Variants in SPATA31E1 observed in about 807,000 individuals in gnomAD.
SPATA31E1 encodes spermatogenesis-associated protein 31E1.
SPATA31E1 carries 7 observed loss-of-function variants against 12.9 expected under a neutral mutation model. The ratio of observed to expected loss-of-function variants is 0.54; its 90% CI spans 0.31 to 1.02. SPATA31E1 has a LOEUF of 1.02. Among genes scored for constraint, SPATA31E1 ranks in the 50% least tolerant of loss-of-function variants. The pLI, the probability that SPATA31E1 is intolerant of heterozygous loss-of-function variation, is 0.05. For missense variants in SPATA31E1, 1,961 were observed against 1,799.8 expected, an observed-to-expected ratio of 1.09 and a Z score of -1.62; for synonymous variants, 771 against 719.0, an observed-to-expected ratio of 1.07 and a Z score of -1.16.
rs1273068867 is a variant in SPATA31E1 at position 87,886,042 on chromosome 9, G to T, written c.1555G>T (p.Ala519Ser). The T allele has an allele frequency of 6.2e-7, 1 of 1,612,818 alleles. No homozygotes were observed. The highest frequency in any genetic ancestry group is 8.5e-7 in the Non-Finnish European group (1 of 1,179,616). ...GCCCCAGTCCCAGCCCCCACCTTTG[G>T]CTGAGATCCAGACCCAGGCCCACCT... ...AWPQSQPPPLAEIQTQAHLSP... is the reference protein window; with the variant it reads ...AWPQSQPPPLSEIQTQAHLSP... The change falls in exon 4 of 4, where the codon GCT becomes TCT. Residue 519 changes from alanine to serine, a missense_variant. Physicochemically the swap from Ala to Ser is moderately conservative, Grantham distance 99. Transcript: ENST00000325643.
Position 87,886,104 on chromosome 9 carries a change from A to G in SPATA31E1, c.1617A>G (p.Pro539=). ...TCCCAAGCCTGGGGTGCTCTTCTCC[A>G]CCCCAGATTAGGGGCTGTGGGGCAT... ...PPVPSLGCSS[P]PQIRGCGASY... The change falls in exon 4 of 4, where the codon CCA becomes CCG. Residue 539 remains proline (P), a synonymous_variant. Coordinates refer to ENST00000325643, the MANE Select transcript of SPATA31E1 (RefSeq NM_178828.5). The G allele has an allele frequency of 6.2e-7, 1 of 1,603,566 alleles. No individual in the cohort carries two copies. The highest frequency in any genetic ancestry group is 8.5e-7 in the Non-Finnish European group (1 of 1,174,128).
chr9:87,884,717 C>A (rs867108496), intron 3 of SPATA31E1, 66 bp downstream of exon 3: 5 of 1,595,574 alleles, frequency 3.1e-6, no homozygotes, highest in South Asian at 2.2e-5. Context: ...AACCCTACGG[C>A]CTGGTGGTGA....
Position 87,883,437 on chromosome 9 carries a change from C to T in SPATA31E1, c.309+237C>T, listed in dbSNP as rs576456588. ...CAACACTGGACTCAGTGGCAAGGAC[C>T]GGGTCAGGAGAGGGGTGAGGTCTCT... On this transcript the variant is annotated intron_variant, in intron 1 of 3. Transcript: ENST00000325643. Among the ~76,000 whole-genome samples, 27 of 152,200 alleles carry T rather than the reference C, an allele frequency of 1.8e-4. No homozygotes were observed. In the South Asian group the frequency reaches 2.1e-3, roughly 12 times the overall value.
chr9:87,888,665 G>A lies in SPATA31E1; in HGVS notation c.4178G>A (p.Arg1393Lys), dbSNP rs1428511183. 2 of 1,614,068 alleles carry A rather than the reference G, an allele frequency of 1.2e-6. No individual in the cohort carries two copies. The highest frequency in any genetic ancestry group is 2.2e-5 in the East Asian group (1 of 44,862). The change falls in exon 4 of 4, where the codon AGG becomes AAG. Residue 1393 changes from arginine (R) to lysine (K), a missense_variant. Physicochemically the swap from Arg to Lys is conservative, Grantham distance 26. Coordinates refer to ENST00000325643, the MANE Select transcript of SPATA31E1 (RefSeq NM_178828.5). ...GGCCACCACTGTCCTGTCAAAAACA[G>A]GGGCATCAGAGACAGAGACAGCAGT... ...PKGHHCPVKNRGIRDRDSSWA... is the reference protein window; with the variant it reads ...PKGHHCPVKNKGIRDRDSSWA...
Position 87,883,028 on chromosome 9 carries a change from T to G in SPATA31E1, c.137T>G (p.Leu46Arg). The change falls in exon 1 of 4, where the codon CTC (leucine) becomes CGC (arginine). Residue 46 changes from leucine (L) to arginine (R), a missense_variant. By Grantham distance (102) the Leu-to-Arg change is moderately radical (BLOSUM62 -2). Transcript: ENST00000325643. The part of the protein sequence containing the change: ...DDIALQMEKM[L>R]FPLKSPSATW... ...ATTGCACTTCAGATGGAGAAAATGC[T>G]CTTTCCTCTGAAGAGCCCTAGTGCC... is the stretch of plus-strand genomic sequence containing the variant. 1.9e-6 allele frequency: 3 copies of G among 1,613,246 alleles called. No individual in the cohort carries two copies. The highest frequency in any genetic ancestry group is 2.5e-6 in the Non-Finnish European group (3 of 1,179,844).
At position 87,885,302 on chromosome 9, in the gene SPATA31E1, C is replaced by T. The variant is rs779056391; in HGVS notation, c.815C>T (p.Thr272Ile). 2.5e-6 allele frequency: 4 copies of T among 1,613,966 alleles called. No individual in the cohort carries two copies. The highest frequency in any genetic ancestry group is 3.4e-6 in the Non-Finnish European group (4 of 1,179,966). ...GCTGGACTTCAGTGTGGCTCCACAA[C>T]ATGCCCCGTCCCCCAGAGCTCCCCT... ...SLAGLQCGST[T>I]CPVPQSSPLH... The change falls in exon 4 of 4, where the codon ACA (threonine) becomes ATA (isoleucine). Residue 272 changes from threonine (T) to isoleucine (I), a missense_variant. Thr to Ile is a moderately conservative substitution (Grantham distance 89). Coordinates refer to ENST00000325643, the MANE Select transcript of SPATA31E1 (RefSeq NM_178828.5).
Position 87,884,662 on chromosome 9 carries a change from TC to T in SPATA31E1, c.425+16del. 3.7e-6 allele frequency: 6 copies of T among 1,614,012 alleles called. No homozygotes were observed. The highest frequency in any genetic ancestry group is 5.1e-6 in the Non-Finnish European group (6 of 1,179,974). On this transcript the variant is annotated intron_variant, in intron 3 of 3. Coordinates refer to ENST00000325643, the MANE Select transcript of SPATA31E1 (RefSeq NM_178828.5). ...CTACCTTCTGGAAAGGTGAGGAGCTTCCCCCTTCTGTCCCTGTCCTCCTTCC... is the reference window on the plus strand; with the variant it reads ...CTACCTTCTGGAAAGGTGAGGAGCTTCCCCTTCTGTCCCTGTCCTCCTTCC...
rs530734146 is a variant in SPATA31E1 at position 87,888,008 on chromosome 9, G to A, written c.3521G>A (p.Gly1174Glu). The change falls in exon 4 of 4, where the codon GGA becomes GAA. Residue 1174 changes from glycine to glutamate, a missense_variant. Transcript: ENST00000325643. ...SQGPCALLWK[G>E]GDSPGQQEPG... Reference sequence around the variant, plus strand: ...GGGCCATGTGCCCTCCTATGGAAGGGAGGGGACAGTCCAGGGCAGCAGGAG... The same window carrying A: ...GGGCCATGTGCCCTCCTATGGAAGGAAGGGGACAGTCCAGGGCAGCAGGAG... 23 of 1,613,256 alleles carry A rather than the reference G, an allele frequency of 1.4e-5. No individual in the cohort carries two copies. The highest frequency in any genetic ancestry group is 1.9e-5 in the Non-Finnish European group (23 of 1,179,922).
At position 87,884,660 on chromosome 9, in the gene SPATA31E1, C is replaced by T. The variant is rs1828230951; in HGVS notation, c.425+9C>T. On this transcript the variant is annotated intron_variant, in intron 3 of 3. Coordinates refer to ENST00000325643, the MANE Select transcript of SPATA31E1 (RefSeq NM_178828.5). ...AACTACCTTCTGGAAAGGTGAGGAG[C>T]TTCCCCCTTCTGTCCCTGTCCTCCT... The T allele has an allele frequency of 6.2e-7, 1 of 1,614,148 alleles. No individual in the cohort carries two copies. Among genetic ancestry groups the T allele is most frequent in the African/African-American group, 1.3e-5 (1 of 75,046 alleles).
intron 1 of SPATA31E1, 102 bp downstream of exon 1, chr9:87,883,302 A>T: frequency 6.9e-7 from 1 of 1,454,242 alleles, no homozygotes; most frequent in Non-Finnish European, 9.3e-7. Flanking sequence ...CTGTGATGGG[A>T]AATCTCGTCA....
At position 87,883,120 on chromosome 9, in the gene SPATA31E1, GTGCTCCTCTTCCTAT is replaced by G. The variant is rs1564127015; in HGVS notation, c.239_253del (p.Phe80_Leu84del). ...CATCCTCACCAGTGTGTGTGGCCTA[GTGCTCCTCTTCCTAT>G]TGCTCCTCTACGTCCACAGTGACCC... is the stretch of plus-strand genomic sequence containing the variant. On this transcript the variant is annotated inframe_deletion, in exon 1 of 4. Transcript: ENST00000325643. 2.5e-6 allele frequency: 4 copies of G among 1,603,972 alleles called. No homozygotes were observed. The South Asian group carries it at 4.5e-5, about 18-fold the overall frequency.
At position 87,888,537 on chromosome 9, in the gene SPATA31E1, C is replaced by T. The variant is rs201292634; in HGVS notation, c.4050C>T (p.Arg1350=). 8.1e-6 allele frequency: 13 copies of T among 1,614,164 alleles called. No individual in the cohort carries two copies. In the Admixed American group the frequency reaches 1.0e-4, roughly 12 times the overall value. ...SEVNRHKGDF[R]AQENVPSCCH... ...TCAATCGCCACAAAGGTGACTTCCG[C>T]GCCCAGGAGAATGTGCCTTCCTGCT... Residue 1350 remains arginine, a synonymous_variant, in exon 4 of 4, where the codon CGC becomes CGT. Coordinates refer to ENST00000325643, the MANE Select transcript of SPATA31E1 (RefSeq NM_178828.5).
At position 87,887,370 on chromosome 9, in the gene SPATA31E1, C is replaced by T. The variant is rs532153652; in HGVS notation, c.2883C>T (p.Pro961=). 4.0e-5 allele frequency: 65 copies of T among 1,613,812 alleles called. No individual in the cohort carries two copies. In the South Asian group the frequency reaches 7.0e-4, roughly 17 times the overall value. The change falls in exon 4 of 4, where the codon CCC becomes CCT. Residue 961 remains proline (P), a synonymous_variant. Transcript: ENST00000325643. ...TGHKGRGCSQ[P]PTCSLVGRTW... The stretch of plus-strand genomic sequence containing the variant: ...ACAAGGGCAGGGGGTGTTCTCAGCC[C>T]CCAACATGCAGCCTTGTGGGCAGAA...
In SPATA31E1 at chr9:87,885,567, C is replaced by T. The variant is rs199568188; in HGVS notation, c.1080C>T (p.Asp360=). ...GTGGCTGCACATTCATCCACCCTGACGTGCAGAAGCTGCTGGAGACCCTCA... is the reference window on the plus strand; with the variant it reads ...GTGGCTGCACATTCATCCACCCTGATGTGCAGAAGCTGCTGGAGACCCTCA... ...EVGGCTFIHP[D]VQKLLETLIA... Residue 360 remains aspartate, a synonymous_variant, in exon 4 of 4, where the codon GAC becomes GAT. Transcript: ENST00000325643. The T allele has an allele frequency of 1.9e-5, 31 of 1,614,184 alleles. No individual in the cohort carries two copies. Among genetic ancestry groups the T allele is most frequent in the Middle Eastern group, 1.6e-4 (1 of 6,062 alleles).
intron 1 of SPATA31E1, among the ~76,000 whole-genome samples, chr9:87,883,614 C>T (rs911864503): frequency 5.7e-4 from 86 of 152,140 alleles, no homozygotes; most frequent in African/African-American, 2.0e-3. Flanking sequence ...CCTGTGGCTG[C>T]ACCCCGGCCA....
chr9:87,883,428 G>T (rs1046525285), intron 1 of SPATA31E1, among the ~76,000 whole-genome samples: 11 of 152,146 alleles, frequency 7.2e-5, no homozygotes, highest in Admixed American at 2.0e-4. Context: ...TGGACTCAGT[G>T]GCAAGGACCG....
At chr9:87,883,472 G>C (rs1004226628) in intron 1 of SPATA31E1, among the ~76,000 whole-genome samples, 1 of 152,170 alleles carries the variant, frequency 6.6e-6, no homozygotes, top group African/African-American at 2.4e-5. Context: ...TGTGGGAGGA[G>C]AGGCCCCAGC....
At chr9:87,884,110 G>C in intron 2 of SPATA31E1, 64 bp downstream of exon 2, 1 of 1,544,052 alleles carries the variant, frequency 6.5e-7, no homozygotes, top group East Asian at 2.4e-5. Context: ...CCCTGAGGAA[G>C]TCATTTGCAG....
rs1448536018 is a variant in SPATA31E1, at chr9:87,888,151, C to T, written c.3664C>T (p.Pro1222Ser). The T allele has an allele frequency of 6.2e-7, 1 of 1,611,686 alleles. No homozygotes were observed. Among genetic ancestry groups the T allele is most frequent in the East Asian group, 2.2e-5 (1 of 44,792 alleles). ...GGAGCAGGGACACAGGTCCAAGGGA[C>T]CCAGGACCTCTGAAGCCAGTGGGAG... ...TGEQGHRSKG[P>S]RTSEASGRSH... The change falls in exon 4 of 4, where the codon CCC becomes TCC. Residue 1222 changes from proline (P) to serine (S), a missense_variant. Pro to Ser is a moderately conservative substitution (Grantham distance 74, BLOSUM62 -1). Transcript: ENST00000325643.
Sources: gnomAD v4.1 joint callset for allele counts (sites outside exome capture counted in the v4.1 genomes callset) on GRCh38, gnomAD v4.1.1 for gene constraint, MANE v1.5 for transcripts, NCBI Gene and HGNC (gene_info 2026-07-23, HGNC 2026-07-21) for gene names.